The following HIF1A variants were observed in gnomAD, a reference collection of about 807,000 sequenced individuals.
HIF1A encodes hypoxia inducible factor 1 subunit alpha.
Under a neutral mutation model 92.7 loss-of-function variants are expected in HIF1A, and 24 were observed. That is an observed-to-expected ratio of 0.26 (90% confidence interval 0.19 to 0.36). The LOEUF is 0.36. Among genes scored for constraint, HIF1A ranks in the 10% least tolerant of loss-of-function variants. HIF1A has a pLI of 1.00. For synonymous variants in HIF1A, 319 were observed against 338.7 expected, an observed-to-expected ratio of 0.94 and a Z score of 0.64; for missense variants, 799 against 998.5, an observed-to-expected ratio of 0.80 and a Z score of 2.69.
chr14:61,707,880 A>G (rs575806630), intron 1 of HIF1A, among the ~76,000 whole-genome samples: 2 of 152,140 alleles, frequency 1.3e-5, no homozygotes, highest in South Asian at 2.1e-4. Context: ...AGGAATCGCC[A>G]CACTGACTTC....
chr14:61,734,085 A>C (rs756566281), intron 7 of HIF1A, 53 bp from the exon 8 acceptor site: 29 of 1,266,126 alleles, frequency 2.3e-5, no homozygotes, highest in Non-Finnish European at 3.1e-5. Context: ...TTTAATTGAA[A>C]ATTCAAAGTT....
intron 12 of HIF1A, among the ~76,000 whole-genome samples, chr14:61,742,393 T>A (rs1222803951): frequency 6.6e-6 from 1 of 151,996 alleles, no homozygotes; most frequent in African/African-American, 2.4e-5. Flanking sequence ...TGACCTAGAG[T>A]GCTGGGAGAG....
chr14:61,728,937 T>C (rs2044540804), intron 6 of HIF1A, among the ~76,000 whole-genome samples: 2 of 151,980 alleles, frequency 1.3e-5, no homozygotes, highest in African/African-American at 4.8e-5. Flanking sequence ...ATGAGGGAAG[T>C]AAATTTTTCA....
intron 1 of HIF1A, among the ~76,000 whole-genome samples, chr14:61,698,275 G>A (rs1482765661): frequency 6.6e-6 from 1 of 152,140 alleles, no homozygotes; most frequent in African/African-American, 2.4e-5. Flanking sequence ...TTGTCCTTTT[G>A]TTTGAGGAAG....
At chr14:61,697,831 A>AT in intron 1 of HIF1A, 1 of 1,496,962 alleles carries the variant, frequency 6.7e-7, no homozygotes, top group Non-Finnish European at 8.8e-7. Flanking sequence ...TTCTTCAAGC[A>AT]ATTTTTTTTT....
At chr14:61,745,641 TAA>T in intron 13 of HIF1A, 48 bp from the exon 14 acceptor site, 1 of 1,434,108 alleles carries the variant, frequency 7.0e-7, no homozygotes, top group Non-Finnish European at 9.6e-7. Flanking sequence ...TTTGGTTGTT[TAA>T]AAAAAAAATT....
At chr14:61,714,011 T>C (rs1231329016) in intron 1 of HIF1A, among the ~76,000 whole-genome samples, 1 of 152,150 alleles carries the variant, frequency 6.6e-6, no homozygotes, top group African/African-American at 2.4e-5. Flanking sequence ...TGCTGTGGTG[T>C]GGGAGCAGAG....
intron 14 of HIF1A, 101 bp from the exon 15 acceptor site, chr14:61,746,833 A>T: frequency 1.1e-6 from 1 of 915,542 alleles, no homozygotes; most frequent in Non-Finnish European, 1.6e-6. Context: ...ACCCTTCCAG[A>T]ATTTTGCTTT....
intron 1 of HIF1A, among the ~76,000 whole-genome samples, chr14:61,702,082 G>C (rs1166054299): frequency 6.6e-6 from 1 of 151,988 alleles, no homozygotes; most frequent in Non-Finnish European, 1.5e-5. Flanking sequence ...ATGAGACAAT[G>C]ATTGAATAAT....
At chr14:61,706,414 A>G (rs1023101474) in intron 1 of HIF1A, among the ~76,000 whole-genome samples, 4 of 152,160 alleles carry the variant, frequency 2.6e-5, no homozygotes, top group Admixed American at 6.5e-5. Flanking sequence ...CTAAACGCAC[A>G]CTTGTTCTTG....
intron 1 of HIF1A, among the ~76,000 whole-genome samples, chr14:61,700,766 C>G (rs970631916): frequency 2.6e-5 from 4 of 152,210 alleles, no homozygotes; most frequent in African/African-American, 9.6e-5. Context: ...ACAAGGGTTC[C>G]TATTTCTCCA....
Position 61,727,503 on chromosome 14 carries a change from ACCT to A in HIF1A, c.623_625del (p.Pro208del). 6.2e-7 allele frequency: 1 copy of A among 1,613,864 alleles called. No individual in the cohort carries two copies. On this transcript the variant is annotated inframe_deletion, in exon 6 of 15. Transcript: ENST00000337138. ...ACGTATATGATACCAACAGTAACCA[ACCT>A]CAGTGTGGGTATAAGAAACCACCTA...
Position 61,740,856 on chromosome 14 carries a change from C to T in HIF1A, c.1761C>T (p.Ser587=), listed in dbSNP as rs749193304. 22 of 1,613,998 alleles carry T rather than the reference C, an allele frequency of 1.4e-5. No individual in the cohort carries two copies. The highest frequency in any genetic ancestry group is 1.6e-4 in the Middle Eastern group (1 of 6,084). The part of the protein sequence containing the change: ...FDQLSPLESS[S]ASPESASPQS... ...AGTTGTCACCATTAGAAAGCAGTTC[C>T]GCAAGCCCTGAAAGCGCAAGTCCTC... Residue 587 remains serine (S), a synonymous_variant, in exon 12 of 15, where the codon TCC becomes TCT. Coordinates refer to ENST00000337138, the MANE Select transcript of HIF1A (RefSeq NM_001530.4).
rs543006382 is a variant in HIF1A, at chr14:61,710,119, A to AT, written c.36-10255dup. ...ACACACAGGAGTGGAATCATACTCA[A>AT]TTTTTTTTGTATAGCCTGCTCTGTT... is the stretch of plus-strand genomic sequence containing the variant. On this transcript the variant is annotated intron_variant, in intron 1 of 14. Transcript: ENST00000337138. Among the ~76,000 whole-genome samples the AT allele has an allele frequency of 1.3e-3, 201 of 152,088 alleles. 1 individual carries two copies. The highest frequency in any genetic ancestry group is 2.5e-3 in the Non-Finnish European group (173 of 67,986).
At chr14:61,707,407 TA>T in intron 1 of HIF1A, among the ~76,000 whole-genome samples, 1 of 152,196 alleles carries the variant, frequency 6.6e-6, no homozygotes, top group East Asian at 1.9e-4. Context: ...CTGCACCCAG[TA>T]ACTCGTCATT....
At chr14:61,732,382 C>T (rs1438553907) in intron 6 of HIF1A, 36 bp from the exon 7 acceptor site, 2 of 1,410,882 alleles carry the variant, frequency 1.4e-6, no homozygotes, top group Admixed American at 1.7e-5. Flanking sequence ...CAGTGTCTCC[C>T]TTTTTTTTCT....
At chr14:61,734,454 C>T (rs1430000401) in intron 8 of HIF1A, among the ~76,000 whole-genome samples, 169 bp downstream of exon 8, 1 of 152,148 alleles carries the variant, frequency 6.6e-6, no homozygotes, top group East Asian at 1.9e-4. Flanking sequence ...TCCAGTCCAG[C>T]TATTCCACAG....
In HIF1A at chr14:61,740,631, T is replaced by C. The variant is rs773945272; in HGVS notation, c.1659+4T>C. On this transcript the variant is annotated splice_donor_region_variant and intron_variant, in intron 11 of 14. Transcript: ENST00000337138. Reference sequence around the variant, plus strand: ...AAAGAACCCATTTTCTACTCAGGTATATGAACTTATTTGTTTTATATTAAA... The same window carrying C: ...AAAGAACCCATTTTCTACTCAGGTACATGAACTTATTTGTTTTATATTAAA... 10 of 1,582,910 alleles carry C rather than the reference T, an allele frequency of 6.3e-6. No homozygotes were observed. The Admixed American group carries it at 1.0e-4, about 16-fold the overall frequency.
Position 61,744,742 on chromosome 14 carries a change from C to A in HIF1A, c.2131C>A (p.Leu711Ile), listed in dbSNP as rs750815376. The change falls in exon 13 of 15, where the codon CTA becomes ATA. Residue 711 changes from leucine (L) to isoleucine (I), a missense_variant. Leu to Ile is a conservative substitution (Grantham distance 5, BLOSUM62 2). Around this residue, in one of 2 missense-constraint regions of HIF1A, gnomAD observed 283 missense variants for 277.5 expected, o/e 1.02. Transcript: ENST00000337138. ...TGAGGAAGAACTAAATCCAAAGATA[C>A]TAGCTTTGCAGAATGCTCAGAGAAA... ...VPEEELNPKI[L>I]ALQNAQRKRK... 1 of 1,594,244 alleles carries A rather than the reference C, an allele frequency of 6.3e-7. No individual in the cohort carries two copies. Among genetic ancestry groups the A allele is most frequent in the Admixed American group, 1.7e-5 (1 of 59,158 alleles).
Sources: allele counts gnomAD v4.1 joint callset (sites outside exome capture counted in the v4.1 genomes callset), GRCh38; gene constraint gnomAD v4.1.1; regional missense constraint gnomAD v4.1.1; transcripts MANE v1.5; gene names NCBI Gene and HGNC (gene_info 2026-07-23, HGNC 2026-07-21).